Variants in DIAPH2 observed in about 807,000 individuals in gnomAD.
DIAPH2 encodes protein diaphanous homolog 2.
A neutral mutation model predicts 92.7 loss-of-function variants in DIAPH2; 35 were observed. That is an observed-to-expected ratio of 0.38 (90% confidence interval 0.29 to 0.50). The LOEUF is 0.50. Among genes scored for constraint, DIAPH2 ranks in the 20% least tolerant of loss-of-function variants. The pLI, the probability that DIAPH2 is intolerant of heterozygous loss-of-function variation, is 0.94. For missense variants in DIAPH2, 701 were observed against 819.5 expected (o/e 0.86, Z 1.77); for synonymous variants, 301 against 280.4 (o/e 1.07, Z -0.73).
intron 4 of DIAPH2, among the ~76,000 whole-genome samples, chrX:96,841,547 C>T (rs1174491185): frequency 9.0e-6 from 1 of 111,703 alleles, no homozygotes; most frequent in Non-Finnish European, 1.9e-5. Context: ...AAAAATAAAT[C>T]TAATCATGTG....
At chrX:97,253,145 G>A (rs2068202981) in intron 23 of DIAPH2, among the ~76,000 whole-genome samples, 1 of 108,739 alleles carries the variant, frequency 9.2e-6, no homozygotes, top group South Asian at 4.1e-4. Flanking sequence ...AAAATTAGCC[G>A]GGCATGGTGG....
At chrX:97,099,122 T>C (rs1296485758) in intron 19 of DIAPH2, among the ~76,000 whole-genome samples, 1 of 111,998 alleles carries the variant, frequency 8.9e-6, no homozygotes, top group Non-Finnish European at 1.9e-5. Flanking sequence ...TTTTTCTGTT[T>C]TTAGTTTAGA....
chrX:97,001,620 C>T (rs965222614), intron 17 of DIAPH2, among the ~76,000 whole-genome samples: 16 of 111,050 alleles, frequency 1.4e-4, no homozygotes, highest in Non-Finnish European at 2.6e-4. Context: ...CACTCCAGCC[C>T]GGGCAACAAT....
intron 26 of DIAPH2, among the ~76,000 whole-genome samples, chrX:97,541,492 A>T (rs1377104544): frequency 2.7e-5 from 3 of 112,197 alleles, no homozygotes; most frequent in Admixed American, 1.9e-4. Flanking sequence ...ATTGCCGCAT[A>T]TCACATATGG....
At chrX:97,131,397 A>G (rs1277072167) in intron 21 of DIAPH2, among the ~76,000 whole-genome samples, 1 of 111,623 alleles carries the variant, frequency 9.0e-6, no homozygotes, top group African/African-American at 3.3e-5. Context: ...AGTTTTTCAT[A>G]AATAGCTAAA....
intron 19 of DIAPH2, among the ~76,000 whole-genome samples, chrX:97,082,770 G>T (rs771240844): frequency 9.8e-5 from 11 of 111,818 alleles, no homozygotes; most frequent in African/African-American, 2.3e-4. Flanking sequence ...CTAAGTACTA[G>T]CTGTGAGGCT....
At chrX:97,214,688 G>A (rs991697285) in intron 22 of DIAPH2, among the ~76,000 whole-genome samples, 3 of 107,988 alleles carry the variant, frequency 2.8e-5, no homozygotes, top group South Asian at 4.1e-4. Flanking sequence ...AAAATTAGGC[G>A]GGCAGGGTTG....
At chrX:97,129,292 G>T (rs113275930) in intron 21 of DIAPH2, among the ~76,000 whole-genome samples, 1 of 107,785 alleles carries the variant, frequency 9.3e-6, no homozygotes, top group Non-Finnish European at 1.9e-5. Context: ...TCAGCCTCCC[G>T]AGTAGCTGAG....
At chrX:97,276,325 AC>A (rs2068451649) in intron 23 of DIAPH2, among the ~76,000 whole-genome samples, 1 of 111,547 alleles carries the variant, frequency 9.0e-6, no homozygotes, top group South Asian at 3.8e-4. Context: ...TTTTAAAATA[AC>A]TTTTTTTTAA....
At chrX:97,550,465 A>G (rs1349029880) in intron 26 of DIAPH2, among the ~76,000 whole-genome samples, 1 of 112,236 alleles carries the variant, frequency 8.9e-6, no homozygotes, top group Non-Finnish European at 1.9e-5. Context: ...GTTGAGCACT[A>G]TTTCTCTCAT....
intron 22 of DIAPH2, among the ~76,000 whole-genome samples, chrX:97,245,996 G>A (rs1014612074): frequency 2.8e-5 from 3 of 106,611 alleles, no homozygotes; most frequent in Non-Finnish European, 5.8e-5. Flanking sequence ...TCCACCTCCT[G>A]GGTTTGAGTG....
chrX:96,685,488 G>A (rs1158175120), intron 1 of DIAPH2, among the ~76,000 whole-genome samples: 2 of 113,129 alleles, frequency 1.8e-5, no homozygotes, highest in Non-Finnish European at 3.8e-5. Context: ...TAGGGCTGTT[G>A]TTTGTCTAAC....
intron 1 of DIAPH2, among the ~76,000 whole-genome samples, chrX:96,727,225 C>T (rs1464783872): frequency 8.9e-6 from 1 of 112,235 alleles, no homozygotes; most frequent in Non-Finnish European, 1.9e-5. Flanking sequence ...AAACATGAAA[C>T]ATGCTGAGTT....
chrX:97,059,341 T>C (rs1234491985), intron 17 of DIAPH2, among the ~76,000 whole-genome samples: 3 of 112,020 alleles, frequency 2.7e-5, no homozygotes, highest in African/African-American at 6.5e-5. Context: ...TTACATCTTA[T>C]GTGCTTCAGT....
chrX:96,891,839 C>G (rs181635951), intron 5 of DIAPH2, among the ~76,000 whole-genome samples: 1 of 111,841 alleles, frequency 8.9e-6, no homozygotes, highest in East Asian at 2.8e-4. Context: ...GTATTCACAT[C>G]CTATGATGAT....
chrX:97,506,977 A>G (rs2147833470), intron 26 of DIAPH2, among the ~76,000 whole-genome samples: 1 of 110,977 alleles, frequency 9.0e-6, no homozygotes, highest in Admixed American at 9.6e-5. Context: ...CTAGAGCTAA[A>G]ATGTTGTTTA....
At chrX:97,519,930 C>T (rs2070979396) in intron 26 of DIAPH2, among the ~76,000 whole-genome samples, 1 of 110,256 alleles carries the variant, frequency 9.1e-6, no homozygotes, top group Non-Finnish European at 1.9e-5. Flanking sequence ...CCAGGCTGGT[C>T]TTGAACTCCT....
At chrX:97,345,094 TAAA>T (rs2069893112) in intron 23 of DIAPH2, among the ~76,000 whole-genome samples, 1 of 112,095 alleles carries the variant, frequency 8.9e-6, no homozygotes, top group Admixed American at 9.5e-5. Flanking sequence ...AACATTTTCT[TAAA>T]AACCAATATA....
At chrX:96,985,244 A>G (rs2066023380) in intron 17 of DIAPH2, among the ~76,000 whole-genome samples, 1 of 111,170 alleles carries the variant, frequency 9.0e-6, no homozygotes, top group Non-Finnish European at 1.9e-5. Flanking sequence ...CAGGGAAGAG[A>G]ATTTGTCTGG....
Sources: gnomAD v4.1 joint callset for allele counts (sites outside exome capture counted in the v4.1 genomes callset) on GRCh38, gnomAD v4.1.1 for gene constraint, MANE v1.5 for transcripts, NCBI Gene and HGNC (gene_info 2026-07-23, HGNC 2026-07-21) for gene names.